Variants in IL1RAPL2 observed in about 807,000 individuals in gnomAD.
The protein encoded by IL1RAPL2 is interleukin 1 receptor accessory protein like 2.
A neutral mutation model predicts 44.1 loss-of-function variants in IL1RAPL2; 3 were observed. The ratio of observed to expected loss-of-function variants is 0.07; its 90% confidence interval spans 0.03 to 0.18. The LOEUF is 0.18. IL1RAPL2 is among the 10% of genes least tolerant of loss of function. The pLI, the probability that IL1RAPL2 is intolerant of heterozygous loss-of-function variation, is 1.00. For synonymous variants in IL1RAPL2, 181 were observed against 178.8 expected (o/e 1.01, Z -0.10); for missense variants, 391 against 496.4 (o/e 0.79, Z 2.02).
At chrX:104,928,748 G>A (rs1390654666) in intron 2 of IL1RAPL2, among the ~76,000 whole-genome samples, 7 of 111,023 alleles carry the variant, frequency 6.3e-5, no homozygotes, top group African/African-American at 2.3e-4. Flanking sequence ...ACTACGTGAT[G>A]TTACTTCGTA....
chrX:104,648,129 A>G lies in IL1RAPL2; in HGVS notation c.-19-10766A>G, dbSNP rs1487441705. On this transcript the variant is annotated intron_variant, in intron 1 of 10. Coordinates refer to ENST00000372582, the MANE Select transcript of IL1RAPL2 (RefSeq NM_017416.2). ...CACACACATTCTCAGGCATGCATAC[A>G]TACATAGATTTTTCCATTATATGTG... 7 of 379,522 alleles carry G rather than the reference A, an allele frequency of 1.8e-5. No homozygotes were observed. In the South Asian group the frequency reaches 2.2e-4, roughly 12 times the overall value. 31.3% of individuals were successfully genotyped at this position (379,522 alleles called of 1,213,427 possible).
chrX:105,243,768 T>C (rs1200028938), intron 4 of IL1RAPL2, among the ~76,000 whole-genome samples: 1 of 109,749 alleles, frequency 9.1e-6, no homozygotes, highest in Non-Finnish European at 1.9e-5. Flanking sequence ...CAACAAAGCA[T>C]GCATTGTATG....
chrX:105,338,333 GA>G (rs1162093793), intron 5 of IL1RAPL2, among the ~76,000 whole-genome samples: 1 of 112,112 alleles, frequency 8.9e-6, no homozygotes, highest in Non-Finnish European at 1.9e-5. Context: ...AGCTTAGCAG[GA>G]AAGACCATGC....
chrX:105,212,069 G>A (rs2033812148), intron 3 of IL1RAPL2, among the ~76,000 whole-genome samples: 1 of 112,102 alleles, frequency 8.9e-6, no homozygotes, highest in Non-Finnish European at 1.9e-5. Flanking sequence ...AGCTGCAGGA[G>A]TATTTTTTCA....
rs2032899398 is a variant in IL1RAPL2 at position 105,119,593 on chromosome X, G to T, written c.83-75882G>T. ...ATGTTTTTGACCTAATGCTTTCGGTGCCCAATAACTTCTGACCTATTTAGT... is the reference window on the plus strand; with the variant it reads ...ATGTTTTTGACCTAATGCTTTCGGTTCCCAATAACTTCTGACCTATTTAGT... On this transcript the variant is annotated intron_variant, in intron 2 of 10. Coordinates refer to ENST00000372582, the MANE Select transcript of IL1RAPL2 (RefSeq NM_017416.2). 3.1e-5 allele frequency among the ~76,000 whole-genome samples: 3 copies of T among 97,885 alleles called. No individual in the cohort carries two copies. The Admixed American group carries it at 3.5e-4, about 12-fold the overall frequency. 85.0% of individuals were successfully genotyped at this position (97,885 alleles called of 115,157 possible). A position where few individuals can be genotyped will look rare whatever the true frequency, so the allele number is the denominator to read the frequency against.
chrX:105,316,846 C>T (rs1032565652), intron 5 of IL1RAPL2, among the ~76,000 whole-genome samples: 19 of 111,179 alleles, frequency 1.7e-4, no homozygotes, highest in African/African-American at 5.2e-4. Flanking sequence ...TGATGGGGAG[C>T]GGGGGAACAT....
intron 2 of IL1RAPL2, among the ~76,000 whole-genome samples, chrX:105,063,321 G>A (rs964952161): frequency 3.6e-5 from 4 of 112,294 alleles, no homozygotes; most frequent in African/African-American, 9.7e-5. Context: ...CTGTGTTATT[G>A]TGAATTTCTC....
intron 5 of IL1RAPL2, among the ~76,000 whole-genome samples, chrX:105,310,876 A>C (rs910984545): frequency 8.9e-6 from 1 of 111,753 alleles, no homozygotes; most frequent in African/African-American, 3.2e-5. Context: ...TCTTATTTTT[A>C]ATCTAATCAT....
intron 6 of IL1RAPL2, among the ~76,000 whole-genome samples, chrX:105,657,125 G>C (rs1464881335): frequency 9.0e-6 from 1 of 111,487 alleles, no homozygotes; most frequent in Non-Finnish European, 1.9e-5. Context: ...CACATACCCT[G>C]CACACTCATG....
intron 3 of IL1RAPL2, among the ~76,000 whole-genome samples, chrX:105,217,489 T>C (rs2033874754): frequency 1.8e-5 from 2 of 111,917 alleles, no homozygotes; most frequent in Admixed American, 1.9e-4. Flanking sequence ...GGAACACTTT[T>C]ACACTGTTGG....
chrX:105,268,542 G>T (rs1383167856), intron 5 of IL1RAPL2, among the ~76,000 whole-genome samples: 1 of 110,131 alleles, frequency 9.1e-6, no homozygotes, highest in Non-Finnish European at 1.9e-5. Context: ...AAGGCAGGTG[G>T]ATCACTTGAG....
intron 2 of IL1RAPL2, among the ~76,000 whole-genome samples, chrX:105,009,992 TTACTG>T (rs1173165354): frequency 3.6e-5 from 4 of 111,176 alleles, no homozygotes; most frequent in African/African-American, 1.3e-4. Flanking sequence ...TTTTTAAAAT[TTACTG>T]TATAATATTT....
intron 5 of IL1RAPL2, among the ~76,000 whole-genome samples, chrX:105,438,249 A>G (rs1486300539): frequency 9.0e-6 from 1 of 111,409 alleles, no homozygotes; most frequent in Non-Finnish European, 1.9e-5. Flanking sequence ...TGACGTGAGA[A>G]ATAATGACCT....
intron 2 of IL1RAPL2, among the ~76,000 whole-genome samples, chrX:105,007,921 A>T (rs1338315098): frequency 3.5e-5 from 4 of 114,782 alleles, no homozygotes; most frequent in Non-Finnish European, 7.5e-5. Flanking sequence ...GGCAAAGTAG[A>T]AAAATTCAGA....
intron 5 of IL1RAPL2, among the ~76,000 whole-genome samples, chrX:105,445,446 T>G (rs1156588457): frequency 9.0e-6 from 1 of 111,617 alleles, no homozygotes; most frequent in Non-Finnish European, 1.9e-5. Flanking sequence ...ATATTGAGTT[T>G]GGTTTGCTCT....
At chrX:104,740,604 CT>C (rs1393876009) in intron 2 of IL1RAPL2, among the ~76,000 whole-genome samples, 2 of 110,598 alleles carry the variant, frequency 1.8e-5, no homozygotes, top group Non-Finnish European at 3.8e-5. Context: ...TTTTTCTTTT[CT>C]TTTTTTCATA....
intron 2 of IL1RAPL2, among the ~76,000 whole-genome samples, chrX:104,866,848 G>A (rs1281132269): frequency 1.8e-5 from 2 of 110,990 alleles, no homozygotes; most frequent in African/African-American, 6.5e-5. Flanking sequence ...AAAAATTGGG[G>A]CCAAAAATGA....
rs185555997 is a variant in IL1RAPL2 at position 105,025,817 on chromosome X, T to G, written c.83-169658T>G. ...AAAACTATTTTATGGAAGAAAAGAG[T>G]GTTGTTTAAGTAACTGCAGCTGTTT... On this transcript the variant is annotated intron_variant, in intron 2 of 10. Transcript: ENST00000372582. Among the ~76,000 whole-genome samples the G allele has an allele frequency of 5.5e-3, 606 of 111,063 alleles. 7 individuals are homozygous for G. The highest frequency in any genetic ancestry group is 0.019 in the African/African-American group (578 of 30,684).
chrX:105,500,270 T>C (rs1341130560), intron 6 of IL1RAPL2, among the ~76,000 whole-genome samples: 3 of 110,305 alleles, frequency 2.7e-5, no homozygotes, highest in Non-Finnish European at 5.7e-5. Flanking sequence ...ACAATGGATA[T>C]ATAGATAATA....
Sources: allele counts gnomAD v4.1 joint callset (sites outside exome capture counted in the v4.1 genomes callset), GRCh38; gene constraint gnomAD v4.1.1; transcripts MANE v1.5; gene names NCBI Gene and HGNC (gene_info 2026-07-23, HGNC 2026-07-21).